Variants in CXADR observed in about 807,000 individuals in gnomAD.
CXADR encodes CXADR cell adhesion molecule.
Under a neutral mutation model 40.3 loss-of-function variants are expected in CXADR, and 20 were observed. The observed-to-expected ratio is 0.50, with a 90% CI of 0.35 to 0.72. The LOEUF is 0.72. Ranked by LOEUF, CXADR falls within the 30% of genes least tolerant of loss-of-function variation. The pLI is 0.01. For missense variants in CXADR, 332 were observed against 449.1 expected, an observed-to-expected ratio of 0.74 and a Z score of 2.36; for synonymous variants, 150 against 161.3, an observed-to-expected ratio of 0.93 and a Z score of 0.53.
chr21:17,549,644 T>C (rs1393072676), intron 2 of CXADR, among the ~76,000 whole-genome samples: 5 of 152,210 alleles, frequency 3.3e-5, no homozygotes, highest in African/African-American at 1.2e-4. Flanking sequence ...TCCCATTCCT[T>C]AACTAATATT....
rs559489473 is a variant in CXADR, at chr21:17,591,167, TA to T, written c.1018-1979del. 2.8e-3 allele frequency among the ~76,000 whole-genome samples: 433 copies of T among 152,118 alleles called. 6 individuals carry two copies. The highest frequency in any genetic ancestry group is 4.2e-3 in the South Asian group (20 of 4,816). On this transcript the variant is annotated intron_variant, in intron 7 of 7. Transcript: ENST00000400169. ...TGGCAAGGTACCATGGCATGGGCCT[TA>T]AAAAAGCCCAGCTGGGTTTTAAGTC...
the CXADR span, among the ~76,000 whole-genome samples, chr21:17,623,114 A>AT: frequency 6.6e-6 from 1 of 151,838 alleles, no homozygotes; most frequent in South Asian, 2.1e-4. Flanking sequence ...TAATTTTTGT[A>AT]TTTTTTTATA....
At chr21:17,597,860 T>G (rs1436183501), downstream of CXADR, among the ~76,000 whole-genome samples, 1 of 152,150 alleles carries the variant, frequency 6.6e-6, no homozygotes, top group African/African-American at 2.4e-5. Flanking sequence ...TAGGTCTAAA[T>G]TTTCATTTTC....
rs1474927948 is a variant in CXADR, at chr21:17,568,538, T to C, written c.*2846T>C. The C allele has an allele frequency of 5.1e-6, 5 of 978,794 alleles. No individual in the cohort carries two copies. In the African/African-American group the frequency reaches 5.3e-5, roughly 10 times the overall value. The allele number at this position is 978,794 out of a possible 1,614,324, so 60.6% of individuals were successfully genotyped here. A position where few individuals can be genotyped will look rare whatever the true frequency, so the allele number is the denominator to read the frequency against. On this transcript the variant is annotated 3_prime_UTR_variant, in exon 7 of 7. Coordinates refer to ENST00000284878, the MANE Select transcript of CXADR (RefSeq NM_001338.5). ...GATAATTTGAAGAGAAATGTTACTG[T>C]AGAATATATAGTTCTGTACTTTTTT...
At chr21:17,517,915 G>T (rs554014219) in intron 1 of CXADR, among the ~76,000 whole-genome samples, 1 of 152,224 alleles carries the variant, frequency 6.6e-6, no homozygotes, top group East Asian at 1.9e-4. Flanking sequence ...TGAATCTAAG[G>T]GAACCATACC....
chr21:17,588,380 T>C (rs1280648913), intron 7 of CXADR, among the ~76,000 whole-genome samples: 1 of 152,222 alleles, frequency 6.6e-6, no homozygotes, highest in Non-Finnish European at 1.5e-5. Context: ...GGAATGTTCT[T>C]CCGTTTGTTT....
chr21:17,609,787 T>C, the CXADR span, among the ~76,000 whole-genome samples: 1 of 152,160 alleles, frequency 6.6e-6, no homozygotes, highest in Non-Finnish European at 1.5e-5. Flanking sequence ...AATGGACAAA[T>C]ACTGTGTTAT....
rs2061251482 is a variant in CXADR, at chr21:17,569,024, G to A, written c.*3332G>A. 1.0e-6 allele frequency: 1 copy of A among 985,054 alleles called. No homozygotes were observed. The highest frequency in any genetic ancestry group is 6.2e-5 in the Admixed American group (1 of 16,252). The allele number at this position is 985,054 out of a possible 1,614,324, so 61.0% of individuals were successfully genotyped here. On this transcript the variant is annotated 3_prime_UTR_variant, in exon 7 of 7. Transcript: ENST00000284878. ...TTTTCAAATTTAAGAGTTAATCTTG[G>A]AAATTTGGAACAAGTAAAGGGGCAA...
At chr21:17,595,993 G>A (rs1471002417), downstream of CXADR, among the ~76,000 whole-genome samples, 1 of 151,932 alleles carries the variant, frequency 6.6e-6, no homozygotes, top group Non-Finnish European at 1.5e-5. Flanking sequence ...TGTTTCATAT[G>A]GATTTAATCT....
At chr21:17,597,041 T>C (rs1432589228), downstream of CXADR, among the ~76,000 whole-genome samples, 2 of 152,082 alleles carry the variant, frequency 1.3e-5, no homozygotes, top group African/African-American at 2.4e-5. Context: ...GCACTAGCTT[T>C]CACACAAGTA....
chr21:17,579,563 C>A (rs905065193), intron 7 of CXADR, among the ~76,000 whole-genome samples: 8 of 152,136 alleles, frequency 5.3e-5, no homozygotes, highest in Non-Finnish European at 8.8e-5. Flanking sequence ...GGATTACAGG[C>A]GTGAGCCACT....
chr21:17,629,791 G>C, the CXADR span, among the ~76,000 whole-genome samples: 26 of 151,818 alleles, frequency 1.7e-4, 1 homozygote, highest in East Asian at 3.7e-3. Context: ...GGGCAACATA[G>C]TGAGACCCTG....
In CXADR at chr21:17,567,783, A is replaced by G; in HGVS notation, c.*2091A>G. ...AAAGTTTTGGTTCTTCCTATTCCTG[A>G]CTTTCATATAATGAAAATTATCCTA... On this transcript the variant is annotated 3_prime_UTR_variant, in exon 7 of 7. Transcript: ENST00000284878. The G allele has an allele frequency of 3.3e-6, 3 of 918,356 alleles. No homozygotes were observed. Among genetic ancestry groups the G allele is most frequent in the Non-Finnish European group, 3.9e-6 (3 of 768,614 alleles). 56.9% of individuals were successfully genotyped at this position (918,356 alleles called of 1,614,324 possible).
chr21:17,527,132 A>C (rs2060607340), intron 1 of CXADR: 1 of 152,224 alleles, frequency 6.6e-6, no homozygotes, highest in East Asian at 1.9e-4. Flanking sequence ...AAAGGAGAAT[A>C]ATTTTTCTTT....
Position 17,567,240 on chromosome 21 carries a change from C to T in CXADR, c.*1548C>T, listed in dbSNP as rs998072814. 25 of 985,174 alleles carry T rather than the reference C, an allele frequency of 2.5e-5. No homozygotes were observed. Among genetic ancestry groups the T allele is most frequent in the South Asian group, 9.4e-5 (2 of 21,290 alleles). 61.0% of individuals were successfully genotyped at this position (985,174 alleles called of 1,614,324 possible). On this transcript the variant is annotated 3_prime_UTR_variant, in exon 7 of 7. Coordinates refer to ENST00000284878, the MANE Select transcript of CXADR (RefSeq NM_001338.5). ...GTGGTGGTAAATGCTATATTATGAACGGTGGCATGTATTTACAGTTAGAGT... is the reference window on the plus strand; with the variant it reads ...GTGGTGGTAAATGCTATATTATGAATGGTGGCATGTATTTACAGTTAGAGT...
chr21:17,514,524 C>T lies in CXADR; in HGVS notation c.43+1352C>T, dbSNP rs9789845. ...TTTTTTTTCTTTTTTTTGTCTAGGC[C>T]GAACCTGAAGATGAAGTTGAGAACA... is the stretch of plus-strand genomic sequence containing the variant. On this transcript the variant is annotated intron_variant, in intron 1 of 6. Transcript: ENST00000284878. 3.5e-3 allele frequency among the ~76,000 whole-genome samples: 514 copies of T among 147,930 alleles called. 13 individuals carry two copies. The highest frequency in any genetic ancestry group is 0.014 in the East Asian group (72 of 5,066).
At chr21:17,624,507 C>T in the CXADR span, among the ~76,000 whole-genome samples, 5 of 152,180 alleles carry the variant, frequency 3.3e-5, no homozygotes, top group Non-Finnish European at 5.9e-5. Flanking sequence ...ACAGTGCATG[C>T]TATCCTCATG....
intron 1 of CXADR, among the ~76,000 whole-genome samples, chr21:17,538,890 G>A (rs1454721646): frequency 6.6e-6 from 1 of 152,178 alleles, no homozygotes; most frequent in Non-Finnish European, 1.5e-5. Context: ...GTTAGAATGA[G>A]AAAGTGTGGT....
chr21:17,590,368 G>C (rs955699587), intron 7 of CXADR, among the ~76,000 whole-genome samples: 1 of 151,796 alleles, frequency 6.6e-6, no homozygotes, highest in Admixed American at 6.6e-5. Context: ...TTTTTGATAA[G>C]GGTTAAACAT....
Sources: gnomAD v4.1 joint callset for allele counts (sites outside exome capture counted in the v4.1 genomes callset) on GRCh38, gnomAD v4.1.1 for gene constraint, MANE v1.5 for transcripts, NCBI Gene and HGNC (gene_info 2026-07-23, HGNC 2026-07-21) for gene names.